Variants in ERBB4 observed in about 807,000 individuals in gnomAD.
ERBB4 encodes erb-b2 receptor tyrosine kinase 4.
A neutral mutation model predicts 158.0 loss-of-function variants in ERBB4; 42 were observed. The ratio of observed to expected loss-of-function variants is 0.27; its 90% CI spans 0.21 to 0.34. The LOEUF is 0.34. ERBB4 is among the 10% of genes least tolerant of loss of function. ERBB4 has a pLI of 1.00. For missense variants in ERBB4, 1,333 were observed against 1,624.1 expected (o/e 0.82, Z 3.08); for synonymous variants, 583 against 558.7 (o/e 1.04, Z -0.61).
intron 2 of ERBB4, among the ~76,000 whole-genome samples, chr2:212,123,484 C>T (rs926895350): frequency 1.3e-5 from 2 of 152,042 alleles, no homozygotes; most frequent in African/African-American, 2.4e-5. Context: ...TTCAGATATC[C>T]TTTACTATTT....
At chr2:212,191,241 C>A (rs1460984736) in intron 1 of ERBB4, among the ~76,000 whole-genome samples, 1 of 152,036 alleles carries the variant, frequency 6.6e-6, no homozygotes, top group Non-Finnish European at 1.5e-5. Flanking sequence ...TGGGTCTGCT[C>A]AAGAATTTGC....
intron 13 of ERBB4, among the ~76,000 whole-genome samples, chr2:211,677,007 T>A (rs1390856389): frequency 6.6e-6 from 1 of 152,150 alleles, no homozygotes; most frequent in Non-Finnish European, 1.5e-5. Context: ...TGCTAAAATT[T>A]TCCTGAAAAA....
At chr2:211,732,307 C>T (rs1258465421) in intron 5 of ERBB4, among the ~76,000 whole-genome samples, 1 of 151,866 alleles carries the variant, frequency 6.6e-6, no homozygotes, top group Non-Finnish European at 1.5e-5. Context: ...ATTCTTTTAA[C>T]CAGCCACAGT....
intron 1 of ERBB4, among the ~76,000 whole-genome samples, chr2:212,298,945 A>T (rs1201221863): frequency 6.6e-6 from 1 of 151,756 alleles, no homozygotes; most frequent in African/African-American, 2.4e-5. Context: ...TTATATAGCA[A>T]GTTCTCTTTC....
At chr2:211,813,420 C>G (rs1184211006) in intron 3 of ERBB4, among the ~76,000 whole-genome samples, 2 of 152,156 alleles carry the variant, frequency 1.3e-5, no homozygotes, top group Non-Finnish European at 2.9e-5. Context: ...ATGAATTCAG[C>G]AGGGACACAT....
At chr2:212,410,298 C>G (rs1416434011) in intron 1 of ERBB4, among the ~76,000 whole-genome samples, 1 of 151,876 alleles carries the variant, frequency 6.6e-6, no homozygotes, top group Non-Finnish European at 1.5e-5. Context: ...TAAACATATT[C>G]TAGTGCACAA....
Position 211,970,071 on chromosome 2 carries a change from C to G in ERBB4, c.235-22455G>C, listed in dbSNP as rs115480414. Reference sequence around the variant, plus strand: ...CTCTTAACACTTCCTTAGCTGTGTCCCAGACATTGTGGGACATGGTATCTT... The same window carrying G: ...CTCTTAACACTTCCTTAGCTGTGTCGCAGACATTGTGGGACATGGTATCTT... On this transcript the variant is annotated intron_variant, in intron 2 of 27. Coordinates refer to ENST00000342788, the MANE Select transcript of ERBB4 (RefSeq NM_005235.3). 5.2e-3 allele frequency among the ~76,000 whole-genome samples: 789 copies of G among 152,142 alleles called. 8 individuals carry two copies. Among genetic ancestry groups the G allele is most frequent in the African/African-American group, 0.018 (765 of 41,524 alleles).
chr2:212,088,098 T>A (rs2078668477), intron 2 of ERBB4, among the ~76,000 whole-genome samples: 1 of 152,106 alleles, frequency 6.6e-6, no homozygotes, highest in South Asian at 2.1e-4. Context: ...AAGTGGAAAG[T>A]TCATCATCTA....
chr2:212,205,375 A>C (rs181251173), intron 1 of ERBB4, among the ~76,000 whole-genome samples: 156 of 152,220 alleles, frequency 1.0e-3, no homozygotes, highest in African/African-American at 3.7e-3. Flanking sequence ...GGCCCCACCA[A>C]GTCTCCATAG....
chr2:212,113,095 G>A (rs758197869), intron 2 of ERBB4, among the ~76,000 whole-genome samples: 3 of 152,112 alleles, frequency 2.0e-5, no homozygotes, highest in Non-Finnish European at 4.4e-5. Flanking sequence ...TGTCTTGATG[G>A]TAAGGGTGGG....
At chr2:211,958,381 T>A (rs150170182) in intron 2 of ERBB4, among the ~76,000 whole-genome samples, 1,832 of 152,234 alleles carry the variant, frequency 0.012, 13 homozygotes, top group Non-Finnish European at 0.02. Flanking sequence ...TATTTAAGTA[T>A]CCTTATGCAA....
chr2:212,184,755 T>C (rs1175336588), intron 1 of ERBB4, among the ~76,000 whole-genome samples: 1 of 152,200 alleles, frequency 6.6e-6, no homozygotes, highest in East Asian at 1.9e-4. Flanking sequence ...TAAAAATTGA[T>C]ATTCAAAATC....
chr2:212,486,167 G>A (rs1689967821), intron 1 of ERBB4, among the ~76,000 whole-genome samples: 1 of 142,582 alleles, frequency 7.0e-6, no homozygotes, highest in Non-Finnish European at 1.5e-5. Context: ...AACAAAATAA[G>A]GGAGGTATAA....
chr2:212,079,370 TA>T (rs2078367787), intron 2 of ERBB4, among the ~76,000 whole-genome samples: 1 of 152,008 alleles, frequency 6.6e-6, no homozygotes, highest in Non-Finnish European at 1.5e-5. Context: ...TCACGATAGC[TA>T]AAACAAAAGA....
At chr2:211,938,562 G>C (rs137980260) in intron 3 of ERBB4, among the ~76,000 whole-genome samples, 52 of 152,112 alleles carry the variant, frequency 3.4e-4, no homozygotes, top group African/African-American at 1.2e-3. Flanking sequence ...GGGCTCATTG[G>C]CCACATCTGG....
chr2:212,339,066 GGT>G (rs2088579281), intron 1 of ERBB4, among the ~76,000 whole-genome samples: 1 of 152,022 alleles, frequency 6.6e-6, no homozygotes, highest in Non-Finnish European at 1.5e-5. Context: ...TTGTTACATA[GGT>G]AAACGTGTGC....
At chr2:212,215,872 T>G (rs1398518577) in intron 1 of ERBB4, among the ~76,000 whole-genome samples, 1 of 151,488 alleles carries the variant, frequency 6.6e-6, no homozygotes, top group Non-Finnish European at 1.5e-5. Context: ...CTTTGCAGTT[T>G]TATCCTTTTA....
intron 1 of ERBB4, among the ~76,000 whole-genome samples, chr2:212,171,590 C>T (rs1013974781): frequency 3.3e-5 from 5 of 152,082 alleles, no homozygotes; most frequent in African/African-American, 1.2e-4. Context: ...AAGGAGGGAC[C>T]AGGTTGAAGG....
At chr2:211,878,188 T>G (rs1486921506) in intron 3 of ERBB4, among the ~76,000 whole-genome samples, 2 of 152,166 alleles carry the variant, frequency 1.3e-5, no homozygotes, top group African/African-American at 4.8e-5. Flanking sequence ...AATTAAAATC[T>G]TCCATCGAAA....
Sources: gnomAD v4.1 joint callset for allele counts (sites outside exome capture counted in the v4.1 genomes callset) on GRCh38, gnomAD v4.1.1 for gene constraint, MANE v1.5 for transcripts, NCBI Gene and HGNC (gene_info 2026-07-23, HGNC 2026-07-21) for gene names.